Variants in GRIA3 observed in about 807,000 individuals in gnomAD.
GRIA3 encodes the protein glutamate ionotropic receptor AMPA type subunit 3, also known as glutamate receptor 3.
GRIA3 carries 3 observed loss-of-function variants against 63.0 expected under a neutral mutation model. The ratio of observed to expected loss-of-function variants is 0.05; its 90% CI spans 0.02 to 0.12. The LOEUF (loss-of-function observed/expected upper bound fraction) is 0.12, where lower values mean the gene tolerates loss of function less well. Among genes scored for constraint, GRIA3 ranks in the 10% least tolerant of loss-of-function variants. GRIA3 has a pLI of 1.00. For synonymous variants in GRIA3, 274 were observed against 257.9 expected (o/e 1.06, Z -0.60); for missense variants, 347 against 700.9 (o/e 0.50, Z 5.70).
intron 5 of GRIA3, among the ~76,000 whole-genome samples, chrX:123,365,994 C>A (rs931141672): frequency 9.0e-6 from 1 of 111,521 alleles, no homozygotes; most frequent in Non-Finnish European, 1.9e-5. Flanking sequence ...ATTCCCAGAA[C>A]TGAGGGTTCC....
At chrX:123,230,002 T>A (rs1330167573) in intron 2 of GRIA3, among the ~76,000 whole-genome samples, 1 of 111,704 alleles carries the variant, frequency 9.0e-6, no homozygotes, top group African/African-American at 3.3e-5. Context: ...GAAGTCAGCA[T>A]GCTAAAACTT....
Position 123,266,127 on chromosome X carries a change from A to G in GRIA3, c.508+12585A>G, listed in dbSNP as rs574102071. ...AAAGGAGTATTTCTTCTCAAAAATG[A>G]TATGAATTTCTAGGATAAAAGATAA... On this transcript the variant is annotated intron_variant, in intron 3 of 15. Coordinates refer to ENST00000620443, the MANE Select transcript of GRIA3 (RefSeq NM_007325.5). Among the ~76,000 whole-genome samples, 175 of 112,189 alleles carry G rather than the reference A, an allele frequency of 1.6e-3. 1 individual carries two copies. The highest frequency in any genetic ancestry group is 5.1e-3 in the African/African-American group (159 of 30,945).
chrX:123,320,111 T>C (rs1263665270), intron 3 of GRIA3, among the ~76,000 whole-genome samples: 1 of 111,669 alleles, frequency 9.0e-6, no homozygotes, highest in Non-Finnish European at 1.9e-5. Flanking sequence ...TTTTTTCAGC[T>C]GATTTCAGTT....
chrX:123,443,762 C>T (rs1422633635), intron 12 of GRIA3, among the ~76,000 whole-genome samples: 1 of 111,311 alleles, frequency 9.0e-6, no homozygotes, highest in Non-Finnish European at 1.9e-5. Context: ...TATTAGTCAG[C>T]ATGGGAAAAT....
At chrX:123,472,708 G>C (rs1234549194) in intron 13 of GRIA3, among the ~76,000 whole-genome samples, 1 of 111,587 alleles carries the variant, frequency 9.0e-6, no homozygotes, top group African/African-American at 3.3e-5. Flanking sequence ...GGGGTCTACT[G>C]CTCTGTATTT....
chrX:123,361,202 C>G (rs892677496), intron 5 of GRIA3: 1 of 111,673 alleles, frequency 9.0e-6, no homozygotes, highest in African/African-American at 3.3e-5. Context: ...TGCTGTTTTG[C>G]TTGCCAATAA....
intron 2 of GRIA3, among the ~76,000 whole-genome samples, chrX:123,191,355 G>A (rs933456397): frequency 1.8e-5 from 2 of 111,705 alleles, no homozygotes; most frequent in African/African-American, 6.5e-5. Flanking sequence ...AGCACTGTGG[G>A]AGTTGTGCAG....
chrX:123,221,948 C>T lies in GRIA3; in HGVS notation c.269-31355C>T, dbSNP rs191173197. 5.4e-5 allele frequency among the ~76,000 whole-genome samples: 6 copies of T among 111,669 alleles called. No individual in the cohort carries two copies. The East Asian group carries it at 1.7e-3, about 32-fold the overall frequency. On this transcript the variant is annotated intron_variant, in intron 2 of 15. Coordinates refer to ENST00000620443, the MANE Select transcript of GRIA3 (RefSeq NM_007325.5). Reference sequence around the variant, plus strand: ...CTTGGGTGATAGTGAAACATTGCTCCAAGCCCTTTCTAACTTAAGCGCCCC... The same window carrying T: ...CTTGGGTGATAGTGAAACATTGCTCTAAGCCCTTTCTAACTTAAGCGCCCC...
In GRIA3 at chrX:123,212,490, C is replaced by T. The variant is rs1020808370; in HGVS notation, c.268+26500C>T. On this transcript the variant is annotated intron_variant, in intron 2 of 15. Transcript: ENST00000620443. ...CTGAGAGGTCAAATTTACTATATGG[C>T]ATTGTCACAACTTCAGGCTTAAATA... 3.6e-5 allele frequency among the ~76,000 whole-genome samples: 4 copies of T among 111,663 alleles called. No homozygotes were observed. In the East Asian group the frequency reaches 1.1e-3, roughly 31 times the overall value.
At chrX:123,323,040 TA>T (rs1281031574) in intron 3 of GRIA3, among the ~76,000 whole-genome samples, 1 of 112,571 alleles carries the variant, frequency 8.9e-6, no homozygotes, top group Admixed American at 9.4e-5. Context: ...TCCAGAAGCC[TA>T]TGTTCTGAGA....
chrX:123,396,163 G>A (rs1276109996), intron 6 of GRIA3, among the ~76,000 whole-genome samples: 1 of 104,628 alleles, frequency 9.6e-6, no homozygotes, highest in African/African-American at 3.5e-5. Context: ...CCGAGATCAT[G>A]CCACTGCACT....
chrX:123,295,754 G>T (rs1189314708), intron 3 of GRIA3, among the ~76,000 whole-genome samples: 3 of 110,895 alleles, frequency 2.7e-5, no homozygotes, highest in Non-Finnish European at 3.8e-5. Context: ...TTTCTGATTG[G>T]GTTTTTGGCA....
chrX:123,205,991 A>G (rs1178977253), intron 2 of GRIA3, among the ~76,000 whole-genome samples: 1 of 111,549 alleles, frequency 9.0e-6, no homozygotes, highest in Non-Finnish European at 1.9e-5. Flanking sequence ...ACTGTGTTTA[A>G]AAAGATGGTC....
intron 2 of GRIA3, among the ~76,000 whole-genome samples, chrX:123,247,926 T>G (rs969169612): frequency 1.8e-5 from 2 of 111,322 alleles, no homozygotes; most frequent in African/African-American, 6.6e-5. Context: ...TTTGTCTCAT[T>G]TATTGTATTT....
At chrX:123,402,886 A>G (rs2045450488) in intron 7 of GRIA3, 108 bp from the exon 8 acceptor site, 1 of 497,501 alleles carries the variant, frequency 2.0e-6, no homozygotes, top group East Asian at 4.1e-5. Flanking sequence ...ATGACTTGCA[A>G]TAATAATTCT....
chrX:123,290,106 T>C (rs1332847585), intron 3 of GRIA3, among the ~76,000 whole-genome samples: 1 of 110,504 alleles, frequency 9.0e-6, no homozygotes, highest in Non-Finnish European at 1.9e-5. Flanking sequence ...GTGAGGAAAA[T>C]AACCGAGAGC....
intron 12 of GRIA3, among the ~76,000 whole-genome samples, chrX:123,437,234 T>C (rs76200797): frequency 0.17 from 18,843 of 109,346 alleles, 1,239 homozygotes; most frequent in Admixed American, 0.23. Context: ...ACAGGAAACA[T>C]TGACAGAACC....
intron 3 of GRIA3, among the ~76,000 whole-genome samples, chrX:123,259,526 C>T (rs1056324450): frequency 1.8e-5 from 2 of 110,982 alleles, no homozygotes; most frequent in African/African-American, 6.6e-5. Context: ...CACACACACA[C>T]ACACCTCAAT....
chrX:123,348,268 T>C (rs754637483), intron 4 of GRIA3, among the ~76,000 whole-genome samples: 1 of 111,949 alleles, frequency 8.9e-6, no homozygotes, highest in East Asian at 2.8e-4. Flanking sequence ...AATGTGAATA[T>C]AGAAATATAT....
Sources: gnomAD v4.1 joint callset for allele counts (sites outside exome capture counted in the v4.1 genomes callset) on GRCh38, gnomAD v4.1.1 for gene constraint, MANE v1.5 for transcripts, NCBI Gene and HGNC (gene_info 2026-07-23, HGNC 2026-07-21) for gene names.